The following SETBP1 variants were observed in gnomAD, a reference collection of about 807,000 sequenced individuals.
The protein encoded by SETBP1 is SET binding protein 1.
SETBP1 carries 9 observed loss-of-function variants against 101.0 expected under a neutral mutation model. The ratio of observed to expected loss-of-function variants is 0.09; its 90% CI spans 0.05 to 0.16. The LOEUF (loss-of-function observed/expected upper bound fraction) is 0.16. Ranked by LOEUF, SETBP1 falls within the 10% of genes least tolerant of loss-of-function variation. The pLI is 1.00. For missense variants in SETBP1, 1,858 were observed against 2,033.8 expected (o/e 0.91, Z 1.66); for synonymous variants, 818 against 788.5 (o/e 1.04, Z -0.63).
intron 2 of SETBP1, among the ~76,000 whole-genome samples, chr18:44,748,189 A>G (rs1392007309): frequency 2.0e-5 from 3 of 152,084 alleles, no homozygotes; most frequent in Admixed American, 6.6e-5. Flanking sequence ...GAAAGGATGG[A>G]AAGGAAGGAT....
intron 2 of SETBP1, among the ~76,000 whole-genome samples, chr18:44,722,904 A>G (rs960964250): frequency 9.9e-5 from 15 of 152,218 alleles, no homozygotes; most frequent in African/African-American, 3.6e-4. Context: ...ATCCTATGGG[A>G]AGGATAATGT....
intron 2 of SETBP1, among the ~76,000 whole-genome samples, chr18:44,770,204 G>A (rs2070843573): frequency 2.0e-5 from 3 of 152,178 alleles, no homozygotes; most frequent in South Asian, 2.1e-4. Flanking sequence ...TTCTGTGGAA[G>A]CAATTGAAAA....
chr18:44,954,556 C>T (rs2071443654), intron 4 of SETBP1, among the ~76,000 whole-genome samples: 1 of 152,110 alleles, frequency 6.6e-6, no homozygotes, highest in Admixed American at 6.5e-5. Flanking sequence ...GAATTAGAGA[C>T]ATTTTCTAGG....
intron 3 of SETBP1, among the ~76,000 whole-genome samples, chr18:44,931,850 G>T (rs62090470): frequency 0.11 from 16,072 of 152,098 alleles, 842 homozygotes; most frequent in East Asian, 0.14. Flanking sequence ...CGTGAGATGG[G>T]TCTCCTGAAT....
chr18:44,848,492 T>A (rs1470238448), intron 2 of SETBP1, among the ~76,000 whole-genome samples: 1 of 152,184 alleles, frequency 6.6e-6, no homozygotes, highest in Non-Finnish European at 1.5e-5. Flanking sequence ...AGAAGAGACA[T>A]GTATACACAT....
intron 4 of SETBP1, among the ~76,000 whole-genome samples, chr18:45,000,600 T>C (rs536604066): frequency 6.6e-6 from 1 of 152,254 alleles, no homozygotes; most frequent in South Asian, 2.1e-4. Flanking sequence ...ATAAAAAATA[T>C]ACATGTATAT....
intron 4 of SETBP1, among the ~76,000 whole-genome samples, chr18:44,982,236 T>C (rs1223975870): frequency 6.6e-6 from 1 of 152,164 alleles, no homozygotes; most frequent in Non-Finnish European, 1.5e-5. Flanking sequence ...GGTAGCATCA[T>C]TGAAATGCGC....
intron 2 of SETBP1, among the ~76,000 whole-genome samples, chr18:44,787,251 T>C (rs118143487): frequency 1.3e-5 from 2 of 152,324 alleles, no homozygotes; most frequent in African/African-American, 2.4e-5. Context: ...TTCAATATCA[T>C]ACAGTAGCAG....
chr18:44,976,102 A>ACACACG (rs2071981405), intron 4 of SETBP1, among the ~76,000 whole-genome samples: 1 of 151,658 alleles, frequency 6.6e-6, no homozygotes, highest in South Asian at 2.1e-4. Context: ...ACACACACAC[A>ACACACG]CACACACACA....
Position 44,944,031 on chromosome 18 carries a change from G to T in SETBP1, c.541-5850G>T, listed in dbSNP as rs1015067350. On this transcript the variant is annotated intron_variant, in intron 3 of 5. Coordinates refer to ENST00000649279, the MANE Select transcript of SETBP1 (RefSeq NM_015559.3). ...TGTATTTTTGTAGAGACAGGATTTTGTCTTGTTGTCTGGGCTGGTCTTGAA... is the reference window on the plus strand; with the variant it reads ...TGTATTTTTGTAGAGACAGGATTTTTTCTTGTTGTCTGGGCTGGTCTTGAA... 7.9e-5 allele frequency among the ~76,000 whole-genome samples: 12 copies of T among 151,888 alleles called. No individual in the cohort carries two copies. The East Asian group carries it at 2.3e-3, about 29-fold the overall frequency.
At chr18:44,929,534 C>T (rs1285098269) in intron 3 of SETBP1, among the ~76,000 whole-genome samples, 2 of 152,134 alleles carry the variant, frequency 1.3e-5, no homozygotes, top group Non-Finnish European at 2.9e-5. Context: ...GCAATATGGC[C>T]ATTCTCACGA....
At chr18:44,749,045 G>A (rs1026186388) in intron 2 of SETBP1, among the ~76,000 whole-genome samples, 10 of 152,108 alleles carry the variant, frequency 6.6e-5, no homozygotes, top group African/African-American at 2.4e-4. Context: ...TTATGAGAGG[G>A]GCAAGCTTAA....
At chr18:44,788,888 C>T (rs927936631) in intron 2 of SETBP1, among the ~76,000 whole-genome samples, 4 of 148,302 alleles carry the variant, frequency 2.7e-5, no homozygotes, top group Non-Finnish European at 4.4e-5. Flanking sequence ...GCCTCGATCT[C>T]CTGGGCTCAG....
chr18:44,770,036 A>G (rs529645870), intron 2 of SETBP1, among the ~76,000 whole-genome samples: 1 of 152,336 alleles, frequency 6.6e-6, no homozygotes, highest in African/African-American at 2.4e-5. Context: ...TTCTTTCAAA[A>G]GGAAGAGGAA....
intron 4 of SETBP1, among the ~76,000 whole-genome samples, chr18:45,006,396 C>T (rs1170113130): frequency 6.6e-6 from 1 of 152,154 alleles, no homozygotes; most frequent in Non-Finnish European, 1.5e-5. Context: ...GATGTAGTAA[C>T]CAAGTTCCAC....
At chr18:44,752,110 AACATTTAAAT>A (rs1405637792) in intron 2 of SETBP1, among the ~76,000 whole-genome samples, 2 of 152,224 alleles carry the variant, frequency 1.3e-5, no homozygotes, top group African/African-American at 4.8e-5. Flanking sequence ...AGCAGGATAC[AACATTTAAAT>A]ACAGGGAAAA....
At chr18:45,054,572 C>T (rs1005600741) in intron 5 of SETBP1, among the ~76,000 whole-genome samples, 11 of 152,166 alleles carry the variant, frequency 7.2e-5, no homozygotes, top group African/African-American at 2.7e-4. Flanking sequence ...GTGGGCAACC[C>T]CTTGTGATGA....
intron 2 of SETBP1, among the ~76,000 whole-genome samples, chr18:44,708,510 T>C (rs2069267615): frequency 6.6e-6 from 1 of 152,226 alleles, no homozygotes. Flanking sequence ...TTTTGTTTCC[T>C]GATAGATTTC....
intron 2 of SETBP1, among the ~76,000 whole-genome samples, chr18:44,791,440 A>G (rs1163257071): frequency 4.6e-5 from 7 of 152,148 alleles, no homozygotes; most frequent in Non-Finnish European, 1.0e-4. Context: ...ATACATGCAC[A>G]CCCACACAGA....
Sources: gnomAD v4.1 joint callset for allele counts (sites outside exome capture counted in the v4.1 genomes callset) on GRCh38, gnomAD v4.1.1 for gene constraint, MANE v1.5 for transcripts, NCBI Gene and HGNC (gene_info 2026-07-23, HGNC 2026-07-21) for gene names.